The following TNKS2 variants were observed in gnomAD, a reference collection of about 807,000 sequenced individuals.
TNKS2 encodes the protein poly [ADP-ribose] polymerase tankyrase-2.
In TNKS2, 72 loss-of-function variants were observed where a neutral mutation model predicts 137.6. That is an observed-to-expected ratio of 0.52 (90% CI 0.43 to 0.64). The LOEUF (loss-of-function observed/expected upper bound fraction) is 0.64. Ranked by LOEUF, TNKS2 falls within the 30% of genes least tolerant of loss-of-function variation. TNKS2 has a pLI of 0.00. For missense variants in TNKS2, 1,049 were observed against 1,410.2 expected, an observed-to-expected ratio of 0.74 and a Z score of 4.10; for synonymous variants, 516 against 512.1, an observed-to-expected ratio of 1.01 and a Z score of -0.10.
chr10:91,819,331 T>C, intron 4 of TNKS2, 25 bp downstream of exon 4: 1 of 1,459,852 alleles, frequency 6.9e-7, no homozygotes, highest in Admixed American at 2.6e-5. Flanking sequence ...TATAAATATG[T>C]GACAGGAATA....
intron 13 of TNKS2, among the ~76,000 whole-genome samples, chr10:91,838,653 T>TA (rs1257920978): frequency 1.3e-5 from 2 of 152,150 alleles, no homozygotes; most frequent in East Asian, 1.9e-4. Context: ...CCCACTGAAA[T>TA]ACCATCTCTT....
At chr10:91,810,005 A>G (rs1182396786) in intron 1 of TNKS2, among the ~76,000 whole-genome samples, 1 of 152,208 alleles carries the variant, frequency 6.6e-6, no homozygotes, top group Admixed American at 6.5e-5. Context: ...TTGCAGTTCT[A>G]TGAATGCCAA....
chr10:91,845,970 G>T, intron 18 of TNKS2, 30 bp downstream of exon 18: 1 of 1,477,972 alleles, frequency 6.8e-7, no homozygotes, highest in Non-Finnish European at 9.1e-7. Flanking sequence ...AAAAATCTCA[G>T]TGCTTTTCTG....
chr10:91,818,054 T>C (rs1447865478), intron 3 of TNKS2, among the ~76,000 whole-genome samples: 3 of 152,268 alleles, frequency 2.0e-5, no homozygotes, highest in Non-Finnish European at 4.4e-5. Flanking sequence ...AGAAGACTTC[T>C]TCATGAAAAG....
chr10:91,835,815 C>G (rs1009365264), intron 12 of TNKS2, among the ~76,000 whole-genome samples: 1 of 148,974 alleles, frequency 6.7e-6, no homozygotes, highest in Non-Finnish European at 1.5e-5. Context: ...ACCATGTTGC[C>G]GAGTCTGGTC....
At chr10:91,852,456 A>T (rs1338489538) in intron 21 of TNKS2, among the ~76,000 whole-genome samples, 1 of 151,728 alleles carries the variant, frequency 6.6e-6, no homozygotes, top group African/African-American at 2.4e-5. Context: ...CTTACTCGGG[A>T]GGCCGAGGCA....
chr10:91,798,998 C>G (rs1844066471), intron 1 of TNKS2, 109 bp downstream of exon 1: 2 of 1,245,500 alleles, frequency 1.6e-6, no homozygotes, highest in Non-Finnish European at 2.0e-6. Flanking sequence ...CTCCAGGACT[C>G]TGGTCCTGGT....
intron 12 of TNKS2, 55 bp from the exon 13 acceptor site, chr10:91,836,864 G>C: frequency 6.4e-7 from 1 of 1,570,036 alleles, no homozygotes; most frequent in Non-Finnish European, 8.6e-7. Flanking sequence ...CATAAAGCTT[G>C]GTTCCATCTT....
rs74151745 is a variant in TNKS2 at position 91,826,216 on chromosome 10, C to T, written c.796-801C>T. ...ATAACATTTTTAATAATTTTGTGCA[C>T]GAATTAAGTTTGTGTGCATAAGGTT... On this transcript the variant is annotated intron_variant, in intron 7 of 26. Coordinates refer to ENST00000371627, the MANE Select transcript of TNKS2 (RefSeq NM_025235.4). 3.6e-3 allele frequency among the ~76,000 whole-genome samples: 549 copies of T among 152,200 alleles called. 3 individuals are homozygous for T. The highest frequency in any genetic ancestry group is 0.012 in the African/African-American group (503 of 41,504).
chr10:91,801,763 C>T (rs1218208960), intron 1 of TNKS2, among the ~76,000 whole-genome samples: 2 of 152,166 alleles, frequency 1.3e-5, no homozygotes, highest in Non-Finnish European at 2.9e-5. Context: ...TGAGCCACTG[C>T]GCCCGGCCAG....
rs1386859013 is a variant in TNKS2, at chr10:91,798,793, G to T, written c.103G>T (p.Gly35Trp). The change falls in exon 1 of 27, where the codon GGG becomes TGG. Residue 35 changes from glycine to tryptophan, a missense_variant. By Grantham distance (184) the Gly-to-Trp change is radical. Around this residue, in one of 6 missense-constraint regions of TNKS2, gnomAD observed 374 missense variants for 460.8 expected, o/e 0.81. Transcript: ENST00000371627. ...ARELFEACRNGDVERVKRLVT... is the reference protein window; with the variant it reads ...ARELFEACRNWDVERVKRLVT... Reference sequence around the variant, plus strand: ...AGAGCTGTTCGAGGCGTGCCGCAACGGGGACGTGGAACGAGTCAAGAGGCT... The same window carrying T: ...AGAGCTGTTCGAGGCGTGCCGCAACTGGGACGTGGAACGAGTCAAGAGGCT... 6.1e-6 allele frequency: 8 copies of T among 1,302,672 alleles called. No homozygotes were observed. The highest frequency in any genetic ancestry group is 6.9e-6 in the Non-Finnish European group (7 of 1,016,340). The allele number at this position is 1,302,672 out of a possible 1,614,324, so 80.7% of individuals were successfully genotyped here.
chr10:91,813,250 A>G (rs780669603), intron 2 of TNKS2, 43 bp downstream of exon 2: 3 of 1,506,890 alleles, frequency 2.0e-6, no homozygotes, highest in Non-Finnish European at 9.2e-7. Flanking sequence ...TGTTGTAACT[A>G]TTCTGAATCT....
At chr10:91,843,778 A>T (rs1419968483) in intron 16 of TNKS2, among the ~76,000 whole-genome samples, 2 of 152,214 alleles carry the variant, frequency 1.3e-5, no homozygotes, top group Non-Finnish European at 2.9e-5. Context: ...AGAAAAAATA[A>T]TGCAAAATTT....
At chr10:91,811,803 T>TA (rs1247457430) in intron 1 of TNKS2, among the ~76,000 whole-genome samples, 16 of 152,184 alleles carry the variant, frequency 1.1e-4, no homozygotes, top group Admixed American at 1.0e-3. Context: ...CTCACGCCTG[T>TA]AATCCCAGCA....
At chr10:91,855,335 G>GTTTGTT (rs140309103) in intron 22 of TNKS2, among the ~76,000 whole-genome samples, 2,891 of 151,752 alleles carry the variant, frequency 0.019, 40 homozygotes, top group Non-Finnish European at 0.027. Flanking sequence ...TGTTTTTTGT[G>GTTTGTT]TTTGTTTTTG....
Position 91,799,861 on chromosome 10 carries a change from C to A in TNKS2, c.199+972C>A, listed in dbSNP as rs1461457386. Among the ~76,000 whole-genome samples the A allele has an allele frequency of 2.6e-5, 4 of 152,170 alleles. No homozygotes were observed. The East Asian group carries it at 7.7e-4, about 29-fold the overall frequency. ...TCCTGGTTTTTTGTTTTGTGTATTT[C>A]ATGATTGTTTAAAACAATTTTTTGA... On this transcript the variant is annotated intron_variant, in intron 1 of 26. Coordinates refer to ENST00000371627, the MANE Select transcript of TNKS2 (RefSeq NM_025235.4).
chr10:91,848,320 A>C, intron 18 of TNKS2, 63 bp from the exon 19 acceptor site: 4 of 1,497,744 alleles, frequency 2.7e-6, no homozygotes, highest in Non-Finnish European at 3.6e-6. Flanking sequence ...AATATATTTT[A>C]TTAGGTATAA....
chr10:91,838,830 G>T (rs563598924), intron 13 of TNKS2, among the ~76,000 whole-genome samples: 33 of 152,262 alleles, frequency 2.2e-4, no homozygotes, highest in African/African-American at 7.7e-4. Context: ...TTAGTAAAAA[G>T]GGGGAAAGAG....
intron 13 of TNKS2, among the ~76,000 whole-genome samples, chr10:91,837,720 C>T (rs911092192): frequency 2.0e-5 from 3 of 152,158 alleles, no homozygotes; most frequent in Non-Finnish European, 2.9e-5. Flanking sequence ...ATTAGCTGGG[C>T]GTAGTGGGAT....
Sources: allele counts gnomAD v4.1 joint callset (sites outside exome capture counted in the v4.1 genomes callset), GRCh38; gene constraint gnomAD v4.1.1; regional missense constraint gnomAD v4.1.1; transcripts MANE v1.5; gene names NCBI Gene and HGNC (gene_info 2026-07-23, HGNC 2026-07-21).